The following LGR5 variants were observed in gnomAD, a reference collection of about 807,000 sequenced individuals.
LGR5 encodes the protein leucine rich repeat containing G protein-coupled receptor 5, also known as leucine-rich repeat-containing G protein-coupled receptor 5.
A neutral mutation model predicts 76.7 loss-of-function variants in LGR5; 54 were observed. That is an observed-to-expected ratio of 0.70 (90% CI 0.57 to 0.88). The LOEUF (loss-of-function observed/expected upper bound fraction) is 0.88, where lower values mean the gene tolerates loss of function less well. LGR5 is among the 40% of genes least tolerant of loss of function. LGR5 has a pLI of 0.00. For missense variants in LGR5, 1,078 were observed against 1,073.3 expected, an observed-to-expected ratio of 1.00 and a Z score of -0.06; for synonymous variants, 406 against 421.9, an observed-to-expected ratio of 0.96 and a Z score of 0.46.
chr12:71,552,855 T>C lies in LGR5; in HGVS notation c.429-218T>C, dbSNP rs79042805. On this transcript the variant is annotated intron_variant, in intron 4 of 17. Coordinates refer to ENST00000266674, the MANE Select transcript of LGR5 (RefSeq NM_003667.4). ...AGCCTGGAAGAGAATTATAGCACCA[T>C]GGAATTTTAGAGCCAGAGGACCTAG... Among the ~76,000 whole-genome samples, 536 of 152,044 alleles carry C rather than the reference T, an allele frequency of 3.5e-3. 2 individuals carry two copies. The highest frequency in any genetic ancestry group is 0.012 in the African/African-American group (517 of 41,474).
chr12:71,487,810 T>C (rs1258504799), intron 1 of LGR5, among the ~76,000 whole-genome samples: 5 of 152,204 alleles, frequency 3.3e-5, no homozygotes, highest in African/African-American at 4.8e-5. Context: ...ACCAAAGGGT[T>C]TGATTACAGA....
chr12:71,493,918 G>T (rs1308473970), intron 1 of LGR5, among the ~76,000 whole-genome samples: 1 of 149,528 alleles, frequency 6.7e-6, no homozygotes, highest in Non-Finnish European at 1.5e-5. Flanking sequence ...ACAGGCATGG[G>T]CCACCATGCC....
rs538912735 is a variant in LGR5, at chr12:71,476,010, G to C, written c.213-28604G>C. ...TGATATGTTGGGGATTGACACGCAGGGTTCCTCTGTTAAGGAAGGTTGTCC... is the reference window on the plus strand; with the variant it reads ...TGATATGTTGGGGATTGACACGCAGCGTTCCTCTGTTAAGGAAGGTTGTCC... On this transcript the variant is annotated intron_variant, in intron 1 of 17. Transcript: ENST00000266674. Among the ~76,000 whole-genome samples the C allele has an allele frequency of 4.6e-5, 7 of 152,216 alleles. No homozygotes were observed. The East Asian group carries it at 9.6e-4, about 21-fold the overall frequency.
intron 3 of LGR5, among the ~76,000 whole-genome samples, chr12:71,531,013 A>AAAAAAG (rs1876279434): frequency 6.7e-6 from 1 of 149,670 alleles, no homozygotes; most frequent in Admixed American, 6.6e-5. Flanking sequence ...AAAAAAAAAA[A>AAAAAAG]GTGGGGGAGG....
chr12:71,465,256 GGAA>G (rs142412277), intron 1 of LGR5, among the ~76,000 whole-genome samples: 41 of 152,250 alleles, frequency 2.7e-4, no homozygotes, highest in African/African-American at 9.6e-4. Flanking sequence ...GATTTAGTTG[GGAA>G]GAAGGAGTAA....
At chr12:71,578,594 A>G (rs945723977) in intron 14 of LGR5, among the ~76,000 whole-genome samples, 1 of 152,244 alleles carries the variant, frequency 6.6e-6, no homozygotes, top group Non-Finnish European at 1.5e-5. Context: ...TTTGAATACA[A>G]TTAAAACCTT....
At chr12:71,548,448 C>A (rs1456762119) in intron 4 of LGR5, among the ~76,000 whole-genome samples, 1 of 152,134 alleles carries the variant, frequency 6.6e-6, no homozygotes, top group Non-Finnish European at 1.5e-5. Flanking sequence ...AAGAAATAGC[C>A]TGCATTTCTC....
chr12:71,480,793 G>A (rs537358737), intron 1 of LGR5, among the ~76,000 whole-genome samples: 4 of 152,266 alleles, frequency 2.6e-5, no homozygotes, highest in African/African-American at 9.6e-5. Flanking sequence ...AAGGGCATTT[G>A]CCTACGTTAT....
In LGR5 at chr12:71,504,598, C is replaced by A; in HGVS notation, c.213-16C>A. On this transcript the variant is annotated splice_polypyrimidine_tract_variant and intron_variant, in intron 1 of 17. Coordinates refer to ENST00000266674, the MANE Select transcript of LGR5 (RefSeq NM_003667.4). ...GCATTTGCTGCTCCTCACACGCTGT[C>A]TGTTTTCCCCCCCAGAGACCTCAGT... 1 of 1,611,958 alleles carries A rather than the reference C, an allele frequency of 6.2e-7. No individual in the cohort carries two copies. Among genetic ancestry groups the A allele is most frequent in the Non-Finnish European group, 8.5e-7 (1 of 1,178,062 alleles).
chr12:71,455,818 A>G (rs1216837171), intron 1 of LGR5, among the ~76,000 whole-genome samples: 1 of 152,226 alleles, frequency 6.6e-6, no homozygotes, highest in African/African-American at 2.4e-5. Context: ...TACAAAAATG[A>G]CAAACTATTT....
chr12:71,525,593 C>T (rs1229528086), intron 3 of LGR5, among the ~76,000 whole-genome samples: 1 of 151,746 alleles, frequency 6.6e-6, no homozygotes, highest in African/African-American at 2.4e-5. Flanking sequence ...GATAAGACAA[C>T]TAAAGTGATT....
intron 2 of LGR5, among the ~76,000 whole-genome samples, chr12:71,509,896 C>T (rs1281950001): frequency 2.0e-5 from 3 of 152,052 alleles, no homozygotes; most frequent in East Asian, 3.9e-4. Context: ...TTGGACATGA[C>T]GAATCTCTAT....
intron 2 of LGR5, among the ~76,000 whole-genome samples, chr12:71,523,689 C>T (rs1290096617): frequency 3.9e-5 from 6 of 152,242 alleles, no homozygotes; most frequent in Non-Finnish European, 1.5e-5. Context: ...TCAGGTACCA[C>T]ATCTTGTTGG....
chr12:71,514,171 T>C (rs115579071), intron 2 of LGR5, among the ~76,000 whole-genome samples: 2,310 of 152,294 alleles, frequency 0.015, 24 homozygotes, highest in Middle Eastern at 0.058. Flanking sequence ...TCAACCATTA[T>C]AGGCTACATT....
intron 1 of LGR5, among the ~76,000 whole-genome samples, chr12:71,481,586 A>G (rs1336260226): frequency 6.6e-6 from 1 of 152,164 alleles, no homozygotes; most frequent in African/African-American, 2.4e-5. Flanking sequence ...TAGTAGAATG[A>G]TTTATACTCA....
intron 4 of LGR5, among the ~76,000 whole-genome samples, chr12:71,552,655 G>A (rs1228373463): frequency 1.3e-5 from 2 of 152,032 alleles, no homozygotes; most frequent in Non-Finnish European, 2.9e-5. Context: ...TATTAGACTA[G>A]TATGTTTAGT....
rs951042401 is a variant in LGR5 at position 71,566,163 on chromosome 12, A to G, written c.858-241A>G. Among the ~76,000 whole-genome samples the G allele has an allele frequency of 3.3e-5, 5 of 152,198 alleles. No homozygotes were observed. The South Asian group carries it at 8.3e-4, about 25-fold the overall frequency. On this transcript the variant is annotated intron_variant, in intron 8 of 17. Coordinates refer to ENST00000266674, the MANE Select transcript of LGR5 (RefSeq NM_003667.4). ...CTTTTCTCCTTAGTAACTATCACTC[A>G]TATCTCCCTTGTTGTCAGAAATCTT...
intron 1 of LGR5, among the ~76,000 whole-genome samples, chr12:71,469,422 T>A (rs902689537): frequency 6.6e-6 from 1 of 152,250 alleles, no homozygotes; most frequent in Admixed American, 6.5e-5. Flanking sequence ...TGAGTCACTG[T>A]GTGCTGGGCG....
At chr12:71,506,492 C>A (rs1874866253) in intron 2 of LGR5, among the ~76,000 whole-genome samples, 1 of 151,994 alleles carries the variant, frequency 6.6e-6, no homozygotes, top group South Asian at 2.1e-4. Flanking sequence ...GAAAAAAAAT[C>A]ACAAAAAAAG....
Sources: gnomAD v4.1 joint callset for allele counts (sites outside exome capture counted in the v4.1 genomes callset) on GRCh38, gnomAD v4.1.1 for gene constraint, MANE v1.5 for transcripts, NCBI Gene and HGNC (gene_info 2026-07-23, HGNC 2026-07-21) for gene names.